MARK1: variants seen among roughly 807,000 people sequenced by gnomAD.
MARK1 encodes the protein microtubule affinity regulating kinase 1.
In MARK1, 40 loss-of-function variants were observed where a neutral mutation model predicts 96.3. The ratio of observed to expected loss-of-function variants is 0.42; its 90% CI spans 0.32 to 0.54. The LOEUF is 0.54. Among genes scored for constraint, MARK1 ranks in the 20% least tolerant of loss-of-function variants. The pLI, the probability that MARK1 is intolerant of heterozygous loss-of-function variation, is 0.16. For missense variants in MARK1, 719 were observed against 984.6 expected, an observed-to-expected ratio of 0.73 and a Z score of 3.61; for synonymous variants, 317 against 341.2, an observed-to-expected ratio of 0.93 and a Z score of 0.78.
chr1:220,611,458 C>G (rs1666437897), intron 6 of MARK1, among the ~76,000 whole-genome samples: 1 of 152,114 alleles, frequency 6.6e-6, no homozygotes. Flanking sequence ...GGGGAGTGTC[C>G]CGTTTTTCCA....
chr1:220,572,384 G>A (rs945887242), intron 1 of MARK1, among the ~76,000 whole-genome samples: 4 of 152,142 alleles, frequency 2.6e-5, no homozygotes, highest in African/African-American at 9.7e-5. Context: ...TGGGATTACA[G>A]GCATGTGCCA....
intron 17 of MARK1, among the ~76,000 whole-genome samples, chr1:220,660,251 A>C (rs1006747901): frequency 1.3e-5 from 2 of 152,130 alleles, no homozygotes; most frequent in African/African-American, 4.8e-5. Context: ...AATGGCTTAG[A>C]TTCAGTGGGC....
intron 1 of MARK1, among the ~76,000 whole-genome samples, chr1:220,567,177 T>C (rs1271447217): frequency 6.6e-6 from 1 of 152,178 alleles, no homozygotes; most frequent in Non-Finnish European, 1.5e-5. Context: ...GAAGATTTTA[T>C]TTCTAAAAAT....
intron 9 of MARK1, among the ~76,000 whole-genome samples, chr1:220,620,434 C>G (rs1200548855): frequency 6.6e-6 from 1 of 152,018 alleles, no homozygotes; most frequent in Non-Finnish European, 1.5e-5. Flanking sequence ...CATAAGAACC[C>G]CACTTGACCT....
intron 3 of MARK1, among the ~76,000 whole-genome samples, chr1:220,589,897 C>A (rs547782146): frequency 6.6e-6 from 1 of 152,160 alleles, no homozygotes; most frequent in Non-Finnish European, 1.5e-5. Flanking sequence ...GAGTGTATGA[C>A]ACATGCAATA....
intron 3 of MARK1, among the ~76,000 whole-genome samples, chr1:220,592,293 C>T (rs973174403): frequency 1.3e-5 from 2 of 149,532 alleles, no homozygotes; most frequent in Non-Finnish European, 1.5e-5. Context: ...AGCAGACTTG[C>T]TCTAGAGACT....
chr1:220,628,997 A>G (rs576913668), intron 9 of MARK1, among the ~76,000 whole-genome samples: 4 of 151,950 alleles, frequency 2.6e-5, no homozygotes, highest in African/African-American at 9.6e-5. Flanking sequence ...AAGAGATTCC[A>G]GTTGTTAGAG....
intron 9 of MARK1, among the ~76,000 whole-genome samples, chr1:220,621,242 A>G (rs953342615): frequency 6.6e-6 from 1 of 152,074 alleles, no homozygotes; most frequent in Admixed American, 6.6e-5. Flanking sequence ...TTATTTAACT[A>G]TTCCCTGCTT....
intron 1 of MARK1, among the ~76,000 whole-genome samples, chr1:220,534,251 C>T (rs1660526931): frequency 1.3e-5 from 2 of 151,884 alleles, no homozygotes; most frequent in Admixed American, 1.3e-4. Context: ...CAAATTAAGG[C>T]AATTGGGATA....
At chr1:220,617,355 G>A (rs987230519) in intron 7 of MARK1, among the ~76,000 whole-genome samples, 3 of 152,152 alleles carry the variant, frequency 2.0e-5, no homozygotes, top group Admixed American at 1.3e-4. Context: ...GGAGGGAAGA[G>A]ATAGATGATG....
At chr1:220,610,410 A>G (rs1448445702) in intron 6 of MARK1, among the ~76,000 whole-genome samples, 1 of 152,150 alleles carries the variant, frequency 6.6e-6, no homozygotes. Flanking sequence ...CAGGTCATTT[A>G]AGGTCTTCTC....
Position 220,586,009 on chromosome 1 carries a change from A to ACACACACACG in MARK1, c.309+4894_309+4895insACACACGCAC, listed in dbSNP as rs1553322887. On this transcript the variant is annotated intron_variant, in intron 3 of 17. Transcript: ENST00000366917. ...TACACACACACACACACACACACACACACGCGCGCGTGCGCAGAGAGAGAG... is the reference window on the plus strand; with the variant it reads ...TACACACACACACACACACACACACACACACACACGCACGCGCGCGTGCGCAGAGAGAGAG... Among the ~76,000 whole-genome samples the ACACACACACG allele has an allele frequency of 4.6e-5, 6 of 129,726 alleles. No individual in the cohort carries two copies. In the East Asian group the frequency reaches 1.0e-3, roughly 22 times the overall value. 85.1% of individuals were successfully genotyped at this position (129,726 alleles called of 152,430 possible).
At chr1:220,558,514 CAATG>C (rs926144990) in intron 1 of MARK1, among the ~76,000 whole-genome samples, 1 of 151,082 alleles carries the variant, frequency 6.6e-6, no homozygotes, top group African/African-American at 2.4e-5. Flanking sequence ...AGCTTGCTGA[CAATG>C]AAAGGTTGAA....
At chr1:220,632,644 A>C (rs2103008645) in intron 11 of MARK1, among the ~76,000 whole-genome samples, 1 of 152,328 alleles carries the variant, frequency 6.6e-6, no homozygotes, top group Non-Finnish European at 1.5e-5. Context: ...TGCAGAAAAG[A>C]CAGTGAGTGA....
chr1:220,658,344 T>C (rs944766720), intron 17 of MARK1, among the ~76,000 whole-genome samples: 1 of 152,188 alleles, frequency 6.6e-6, no homozygotes, highest in Non-Finnish European at 1.5e-5. Context: ...TGGCAATGGG[T>C]TTCATACTTG....
intron 6 of MARK1, among the ~76,000 whole-genome samples, chr1:220,604,763 G>A (rs1459590891): frequency 1.3e-5 from 2 of 151,840 alleles, no homozygotes; most frequent in African/African-American, 4.8e-5. Flanking sequence ...GAACTGAAGT[G>A]ATTGAAATAA....
At chr1:220,534,914 C>G (rs1572035238) in intron 1 of MARK1, among the ~76,000 whole-genome samples, 1 of 152,094 alleles carries the variant, frequency 6.6e-6, no homozygotes, top group South Asian at 2.1e-4. Flanking sequence ...TTTTGTTTAT[C>G]TGTTTATCTG....
At chr1:220,626,502 C>G (rs768607327) in intron 9 of MARK1, 2 of 529,068 alleles carry the variant, frequency 3.8e-6, no homozygotes, top group Non-Finnish European at 7.6e-6. Flanking sequence ...TATCTGGGGA[C>G]TGGTTAGGTT....
intron 1 of MARK1, among the ~76,000 whole-genome samples, chr1:220,538,030 C>T (rs968682987): frequency 2.6e-5 from 4 of 151,876 alleles, no homozygotes; most frequent in African/African-American, 9.7e-5. Context: ...TGTAGGTTAC[C>T]TGTTTACTCT....
Sources: gnomAD v4.1 joint callset for allele counts (sites outside exome capture counted in the v4.1 genomes callset) on GRCh38, gnomAD v4.1.1 for gene constraint, MANE v1.5 for transcripts, NCBI Gene and HGNC (gene_info 2026-07-23, HGNC 2026-07-21) for gene names.